Variants in FAT3 observed in about 807,000 individuals in gnomAD.
FAT3 encodes protocadherin Fat 3.
In FAT3, 95 loss-of-function variants were observed where a neutral mutation model predicts 310.2. That is an observed-to-expected ratio of 0.31 (90% CI 0.26 to 0.36). The LOEUF (loss-of-function observed/expected upper bound fraction) is 0.36, where lower values mean the gene tolerates loss of function less well. FAT3 is among the 10% of genes least tolerant of loss of function. FAT3 has a pLI of 1.00. For missense variants in FAT3, 5,408 were observed against 5,715.6 expected (o/e 0.95, Z 1.74); for synonymous variants, 2,314 against 2,192.9 (o/e 1.06, Z -1.54).
chr11:92,296,921 CAGTG>C (rs1364222625), intron 1 of FAT3, among the ~76,000 whole-genome samples: 2 of 152,094 alleles, frequency 1.3e-5, no homozygotes, highest in Admixed American at 6.6e-5. Flanking sequence ...TGATCCAGAA[CAGTG>C]AGTATTAAGT....
At chr11:92,867,289 C>T (rs1949274672) in intron 22 of FAT3, 80 bp downstream of exon 22, 1 of 1,362,076 alleles carries the variant, frequency 7.3e-7, no homozygotes, top group South Asian at 1.4e-5. Flanking sequence ...CCCTGCCCTC[C>T]CAACGCAAGG....
At chr11:92,443,284 G>A (rs563878819) in intron 2 of FAT3, among the ~76,000 whole-genome samples, 35 of 152,288 alleles carry the variant, frequency 2.3e-4, no homozygotes, top group African/African-American at 8.2e-4. Flanking sequence ...CTGTTGAGGA[G>A]CAGCAATGGG....
intron 3 of FAT3, among the ~76,000 whole-genome samples, chr11:92,614,251 C>G (rs184911242): frequency 6.6e-6 from 1 of 152,064 alleles, no homozygotes; most frequent in East Asian, 1.9e-4. Context: ...TTTCATTTGT[C>G]TTAGGAATAT....
chr11:92,660,146 C>G (rs978944930), intron 3 of FAT3, among the ~76,000 whole-genome samples: 1 of 151,548 alleles, frequency 6.6e-6, no homozygotes, highest in Non-Finnish European at 1.5e-5. Flanking sequence ...TAATAACAAT[C>G]CAAATAACTC....
intron 1 of FAT3, among the ~76,000 whole-genome samples, chr11:92,323,531 G>T (rs557451520): frequency 6.6e-6 from 1 of 151,538 alleles, no homozygotes; most frequent in Non-Finnish European, 1.5e-5. Context: ...GGGATTATAG[G>T]CATAAGCCAC....
At chr11:92,360,207 C>T (rs925270370) in intron 2 of FAT3, among the ~76,000 whole-genome samples, 9 of 152,186 alleles carry the variant, frequency 5.9e-5, no homozygotes. Flanking sequence ...TTCTTATACA[C>T]CAGCAACAGA....
At chr11:92,435,469 T>TCCTTCCTTCCTTCCTC (rs1950906976) in intron 2 of FAT3, among the ~76,000 whole-genome samples, 2 of 7,412 alleles carry the variant, frequency 2.7e-4, no homozygotes, top group African/African-American at 1.7e-3. Context: ...CTTTTATTTA[T>TCCTTCCTTCCTTCCTC]CCTTCCTTCC....
chr11:92,797,434 T>G (rs545427946), intron 9 of FAT3, among the ~76,000 whole-genome samples: 1 of 152,342 alleles, frequency 6.6e-6, no homozygotes, highest in South Asian at 2.1e-4. Flanking sequence ...CACTGCTACC[T>G]AAACCAGTGG....
At chr11:92,225,783 TGTA>T (rs1455317033) in intron 1 of FAT3, among the ~76,000 whole-genome samples, 12 of 151,954 alleles carry the variant, frequency 7.9e-5, no homozygotes, top group African/African-American at 2.7e-4. Context: ...CAGGGTGAGA[TGTA>T]GTGAACGGCG....
intron 3 of FAT3, among the ~76,000 whole-genome samples, chr11:92,525,647 AT>A (rs1169854295): frequency 6.6e-6 from 1 of 151,518 alleles, no homozygotes; most frequent in African/African-American, 2.4e-5. Flanking sequence ...CTTTCTTGTG[AT>A]TTGCCTCTTT....
intron 3 of FAT3, among the ~76,000 whole-genome samples, chr11:92,549,076 A>G (rs956397828): frequency 2.0e-5 from 3 of 152,300 alleles, no homozygotes; most frequent in African/African-American, 4.8e-5. Flanking sequence ...TAAGCCTGAA[A>G]ACACCTTTAT....
At chr11:92,803,117 T>C (rs1947407193) in intron 10 of FAT3, among the ~76,000 whole-genome samples, 1 of 138,284 alleles carries the variant, frequency 7.2e-6, no homozygotes, top group South Asian at 2.2e-4. Context: ...TTCATTTGCA[T>C]TTATTTTCAG....
chr11:92,522,607 A>G (rs990917852), intron 2 of FAT3, among the ~76,000 whole-genome samples: 2 of 152,096 alleles, frequency 1.3e-5, no homozygotes, highest in Admixed American at 6.6e-5. Context: ...CCTAACTTTG[A>G]TTTACAACCC....
intron 3 of FAT3, among the ~76,000 whole-genome samples, chr11:92,664,591 T>G (rs148387907): frequency 6.6e-6 from 1 of 152,306 alleles, no homozygotes; most frequent in East Asian, 1.9e-4. Context: ...AATGTGTCAC[T>G]CCTACCAACA....
chr11:92,880,992 AG>A, intron 23 of FAT3, 108 bp downstream of exon 23: 1 of 1,232,808 alleles, frequency 8.1e-7, no homozygotes, highest in Non-Finnish European at 1.1e-6. Context: ...GTACAGGCAA[AG>A]GGTTAACATC....
intron 4 of FAT3, among the ~76,000 whole-genome samples, chr11:92,699,141 T>C (rs997724479): frequency 6.6e-6 from 1 of 152,160 alleles, no homozygotes; most frequent in Non-Finnish European, 1.5e-5. Context: ...CTAACACAGA[T>C]TGGGGTCTGG....
Position 92,367,747 on chromosome 11 carries a change from C to G in FAT3, c.3292+12343C>G, listed in dbSNP as rs574629292. Among the ~76,000 whole-genome samples, 17 of 152,356 alleles carry G rather than the reference C, an allele frequency of 1.1e-4. No homozygotes were observed. The South Asian group carries it at 3.5e-3, about 32-fold the overall frequency. ...TTCTACTGATCATTCATCATGTTCCCTGTGGCCTTAGGCCCATCCTTCGGC... is the reference window on the plus strand; with the variant it reads ...TTCTACTGATCATTCATCATGTTCCGTGTGGCCTTAGGCCCATCCTTCGGC... On this transcript the variant is annotated intron_variant, in intron 2 of 27. Transcript: ENST00000525166.
chr11:92,365,098 A>T lies in FAT3; in HGVS notation c.3292+9694A>T, dbSNP rs925741500. On this transcript the variant is annotated intron_variant, in intron 2 of 27. Transcript: ENST00000525166. ...AACAAAGTAAGATCCCATCTCTACC[A>T]ACAAAATATAAAAATAAAAAATTTA... 2.5e-4 allele frequency among the ~76,000 whole-genome samples: 38 copies of T among 152,248 alleles called. 1 individual carries two copies. The highest frequency in any genetic ancestry group is 2.2e-3 in the Admixed American group (34 of 15,284).
At chr11:92,276,333 C>A (rs1317844026) in intron 1 of FAT3, among the ~76,000 whole-genome samples, 1 of 152,038 alleles carries the variant, frequency 6.6e-6, no homozygotes, top group Non-Finnish European at 1.5e-5. Flanking sequence ...TTTAGGACTG[C>A]GAGTAAGCAT....
Sources: allele counts gnomAD v4.1 joint callset (sites outside exome capture counted in the v4.1 genomes callset), GRCh38; gene constraint gnomAD v4.1.1; transcripts MANE v1.5; gene names NCBI Gene and HGNC (gene_info 2026-07-23, HGNC 2026-07-21).